Variants in ZSCAN18 observed in about 807,000 individuals in gnomAD.
ZSCAN18 encodes zinc finger and SCAN domain containing 18.
ZSCAN18 carries 16 observed loss-of-function variants against 31.1 expected under a neutral mutation model. The ratio of observed to expected loss-of-function variants is 0.51; its 90% CI spans 0.35 to 0.78. The LOEUF is 0.78. ZSCAN18 is among the 30% of genes least tolerant of loss of function. The pLI is 0.01. For synonymous variants in ZSCAN18, 375 were observed against 320.7 expected, an observed-to-expected ratio of 1.17 and a Z score of -1.81; for missense variants, 731 against 697.4, an observed-to-expected ratio of 1.05 and a Z score of -0.54.
At chr19:58,103,754 C>T (rs575717190) in intron 1 of ZSCAN18, among the ~76,000 whole-genome samples, 14 of 152,076 alleles carry the variant, frequency 9.2e-5, no homozygotes, top group African/African-American at 3.1e-4. Context: ...AGACCTCTAA[C>T]TTCAAATCAA....
chr19:58,118,213 A>G (rs369227998), intron 1 of ZSCAN18: 1 of 867,384 alleles, frequency 1.2e-6, no homozygotes, highest in Non-Finnish European at 1.7e-6. Context: ...AGACAGAAAG[A>G]GCGACCACGC....
chr19:58,113,619 C>T (rs2074706056), intron 1 of ZSCAN18, among the ~76,000 whole-genome samples: 1 of 152,098 alleles, frequency 6.6e-6, no homozygotes, highest in Non-Finnish European at 1.5e-5. Context: ...TTCTCTTTGA[C>T]TAAATGAGTT....
chr19:58,096,503 G>A (rs1169768622), intron 1 of ZSCAN18, among the ~76,000 whole-genome samples: 2 of 152,234 alleles, frequency 1.3e-5, no homozygotes, highest in East Asian at 1.9e-4. Flanking sequence ...GGTGGGTGAG[G>A]GGTGGCTGAG....
Position 58,114,777 on chromosome 19 carries a change from T to C in ZSCAN18, c.130+3490A>G, listed in dbSNP as rs915182327. ...GTGATGGGCATTCATGATACTCTTT[T>C]TTCTCAACTTTTCTGTTAGAGTATT... is the stretch of plus-strand genomic sequence containing the variant. On this transcript the variant is annotated intron_variant, in intron 1 of 1. Transcript: ENST00000595721. Among the ~76,000 whole-genome samples, 14 of 152,342 alleles carry C rather than the reference T, an allele frequency of 9.2e-5. No homozygotes were observed. In the East Asian group the frequency reaches 2.7e-3, roughly 29 times the overall value.
chr19:58,112,477 C>T (rs1020212852), intron 1 of ZSCAN18, among the ~76,000 whole-genome samples: 3 of 151,836 alleles, frequency 2.0e-5, no homozygotes, highest in African/African-American at 7.3e-5. Flanking sequence ...AGTGAAACCC[C>T]GTCTCCACCA....
At chr19:58,106,238 C>T (rs1470542335) in intron 1 of ZSCAN18, among the ~76,000 whole-genome samples, 2 of 151,812 alleles carry the variant, frequency 1.3e-5, no homozygotes, top group Non-Finnish European at 2.9e-5. Context: ...GCCGTCTCTA[C>T]AAAACATAAA....
chr19:58,105,887 C>G (rs2074630600), intron 1 of ZSCAN18, among the ~76,000 whole-genome samples: 1 of 151,454 alleles, frequency 6.6e-6, no homozygotes, highest in Non-Finnish European at 1.5e-5. Flanking sequence ...GCTGAGGCAT[C>G]AGGATCGCCT....
intron 1 of ZSCAN18, among the ~76,000 whole-genome samples, chr19:58,114,833 G>A (rs1181374538): frequency 1.3e-5 from 2 of 152,154 alleles, no homozygotes; most frequent in African/African-American, 2.4e-5. Context: ...AAAGTAGGCA[G>A]GGGAAATATA....
intron 1 of ZSCAN18, among the ~76,000 whole-genome samples, chr19:58,110,280 A>G (rs1029915012): frequency 6.6e-6 from 1 of 152,136 alleles, no homozygotes; most frequent in Non-Finnish European, 1.5e-5. Flanking sequence ...TTTTCTGTCT[A>G]TCCAAACAGA....
upstream of ZSCAN18, among the ~76,000 whole-genome samples, chr19:58,101,134 T>G (rs1474652101): frequency 6.7e-6 from 1 of 148,762 alleles, no homozygotes; most frequent in African/African-American, 2.5e-5. Flanking sequence ...ACTTTTTTTT[T>G]TTTTTTTTTT....
chr19:58,110,096 T>A (rs1299304007), intron 1 of ZSCAN18, among the ~76,000 whole-genome samples: 1 of 152,108 alleles, frequency 6.6e-6, no homozygotes, highest in Non-Finnish European at 1.5e-5. Flanking sequence ...CCCAGGCTGG[T>A]CTCAAACTCC....
At chr19:58,087,594 G>A (rs1323956235) in intron 3 of ZSCAN18, 190 bp from the exon 4 acceptor site, 2 of 572,530 alleles carry the variant, frequency 3.5e-6, no homozygotes, top group Non-Finnish European at 6.2e-6. Flanking sequence ...GGCTTGGGTG[G>A]CCCCAGAGAT....
upstream of ZSCAN18, chr19:58,098,376 C>A: frequency 1.0e-6 from 1 of 985,516 alleles, no homozygotes; most frequent in Non-Finnish European, 1.2e-6. Flanking sequence ...GTGTGGCCTC[C>A]CGGCGTCCCG....
At chr19:58,097,301 G>C (rs1050052607) in intron 1 of ZSCAN18, among the ~76,000 whole-genome samples, 25 of 152,078 alleles carry the variant, frequency 1.6e-4, no homozygotes, top group Non-Finnish European at 2.8e-4. Context: ...AGTCTGGACG[G>C]GGGTAGAGGG....
At position 58,109,367 on chromosome 19, in the gene ZSCAN18, A is replaced by T. The variant is rs77079750; in HGVS notation, c.130+8900T>A. Reference sequence around the variant, plus strand: ...AAAAAATTGCTAGAGTTAGAATGGTAATGTGTAAACATTAAAATCAGCCAG... The same window carrying T: ...AAAAAATTGCTAGAGTTAGAATGGTTATGTGTAAACATTAAAATCAGCCAG... On this transcript the variant is annotated intron_variant, in intron 1 of 1. Coordinates refer to the ZSCAN18 transcript ENST00000595721. The T allele has an allele frequency of 7.8e-4, 957 of 1,230,488 alleles. 6 individuals are homozygous for T. The African/African-American group carries it at 0.013, about 16-fold the overall frequency. The allele number at this position is 1,230,488 out of a possible 1,614,324, so 76.2% of individuals were successfully genotyped here. A position where few individuals can be genotyped will look rare whatever the true frequency, so the allele number is the denominator to read the frequency against.
At chr19:58,100,092 G>A (rs1318966202), upstream of ZSCAN18, among the ~76,000 whole-genome samples, 1 of 151,188 alleles carries the variant, frequency 6.6e-6, no homozygotes, top group African/African-American at 2.4e-5. Flanking sequence ...CCGAGTAGCT[G>A]GAACTACAGG....
chr19:58,096,938 G>C (rs1476847007), intron 1 of ZSCAN18, among the ~76,000 whole-genome samples: 1 of 152,216 alleles, frequency 6.6e-6, no homozygotes, highest in Non-Finnish European at 1.5e-5. Flanking sequence ...GAGATGTCCT[G>C]CGCAACTGGC....
rs147077102 is a variant in ZSCAN18 at position 58,087,336 on chromosome 19, C to T, written c.622G>A (p.Gly208Ser). The stretch of plus-strand genomic sequence containing the variant: ...CCCACCTGCTCGGTGTTGGCAGGGC[C>T]GTCCTCTTCGGTCTTTGCTTCTCTG... ...RVREAKTEED[G>S]PANTEQKLKS... is the part of the protein sequence containing the mutation. Residue 208 changes from glycine to serine, a missense_variant, in exon 4 of 7, where the codon GGC (glycine) becomes AGC (serine). Physicochemically the swap from Gly to Ser is moderately conservative, Grantham distance 56 (BLOSUM62 0). Around this residue, in one of 4 missense-constraint regions of ZSCAN18, gnomAD observed 597 missense variants for 499.5 expected, o/e 1.20. Transcript: ENST00000601144. 25 of 1,606,672 alleles carry T rather than the reference C, an allele frequency of 1.6e-5. No homozygotes were observed. The highest frequency in any genetic ancestry group is 3.4e-5 in the South Asian group (3 of 89,354).
In ZSCAN18 at chr19:58,084,883, G is replaced by T; in HGVS notation, c.1335C>A (p.Gly445=). 1.3e-6 allele frequency: 2 copies of T among 1,596,670 alleles called. No individual in the cohort carries two copies. Among genetic ancestry groups the T allele is most frequent in the Non-Finnish European group, 8.5e-7 (1 of 1,173,414 alleles). ...HGGRKRYACQ[G]CWKTFHFSLA... Reference sequence around the variant, plus strand: ...GGCTGAAGTGGAAGGTCTTCCAGCAGCCCTGACAGGCGTAGCGCTTCCGGC... The same window carrying T: ...GGCTGAAGTGGAAGGTCTTCCAGCATCCCTGACAGGCGTAGCGCTTCCGGC... The change falls in exon 7 of 7, where the codon GGC becomes GGA. Residue 445 remains glycine, a synonymous_variant. Transcript: ENST00000601144. This position sits in a 1 kb window ranked among gnomAD's most constrained non-coding sequence, Gnocchi z 4.5.
Sources: gnomAD v4.1 joint callset for allele counts (sites outside exome capture counted in the v4.1 genomes callset) on GRCh38, gnomAD v4.1.1 for gene constraint, gnomAD v4.1.1 regional missense constraint, Gnocchi (gnomAD v3.1) non-coding constraint, MANE v1.5 for transcripts, NCBI Gene and HGNC (gene_info 2026-07-23, HGNC 2026-07-21) for gene names.